The following UGT1A9 variants were observed in gnomAD, a reference collection of about 807,000 sequenced individuals.
The protein encoded by UGT1A9 is UDP-glucuronosyltransferase 1A9.
In UGT1A9, 35 loss-of-function variants were observed where a neutral mutation model predicts 45.0. The ratio of observed to expected loss-of-function variants is 0.78; its 90% CI spans 0.59 to 1.03. UGT1A9 has a LOEUF of 1.03. Ranked by LOEUF, UGT1A9 falls within the 50% of genes least tolerant of loss-of-function variation. The probability of loss-of-function intolerance (pLI) is 0.00; values close to 1 mark genes in which losing one functional copy is unlikely to be tolerated. For synonymous variants in UGT1A9, 278 were observed against 250.6 expected, an observed-to-expected ratio of 1.11 and a Z score of -1.03; for missense variants, 687 against 666.6, an observed-to-expected ratio of 1.03 and a Z score of -0.34.
intron 1 of UGT1A9, chr2:233,712,870 T>A: frequency 6.3e-7 from 1 of 1,583,802 alleles, no homozygotes; most frequent in Middle Eastern, 2.3e-4. Context: ...AGGAGGGCAC[T>A]CTGTCTTCAA....
chr2:233,733,407 C>T (rs906302145), intron 1 of UGT1A9, among the ~76,000 whole-genome samples: 4 of 152,152 alleles, frequency 2.6e-5, no homozygotes, highest in African/African-American at 9.7e-5. Flanking sequence ...GGGAATGCTT[C>T]CAGTTTTCGC....
chr2:233,767,167 T>C lies in UGT1A9; in HGVS notation c.987+2T>C. ...GCTTTGGGCAAAATCCCTCAGACAG[T>C]AAGAAGATTCTATACCATGGCCTCA... On this transcript the variant is annotated splice_donor_variant, in intron 2 of 4. Coordinates refer to ENST00000354728, the MANE Select transcript of UGT1A9 (RefSeq NM_021027.3). LOFTEE classifies it high-confidence loss of function. The C allele has an allele frequency of 2.5e-6, 4 of 1,614,068 alleles. No homozygotes were observed. The highest frequency in any genetic ancestry group is 3.4e-6 in the Non-Finnish European group (4 of 1,180,002).
intron 1 of UGT1A9, chr2:233,747,461 A>G (rs1413279224): frequency 3.7e-5 from 60 of 1,608,752 alleles, no homozygotes; most frequent in Admixed American, 5.0e-5. Flanking sequence ...ATGCCATTTC[A>G]TGGACCCAGG....
chr2:233,713,202 G>C, intron 1 of UGT1A9: 1 of 1,614,240 alleles, frequency 6.2e-7, no homozygotes, highest in South Asian at 1.1e-5. Flanking sequence ...GTACATCAAA[G>C]AAGAGAACTT....
intron 1 of UGT1A9, among the ~76,000 whole-genome samples, chr2:233,734,811 T>G: frequency 6.6e-6 from 1 of 152,238 alleles, no homozygotes; most frequent in East Asian, 1.9e-4. Context: ...AGTTTCCATG[T>G]AGTTGTGCGA....
chr2:233,712,843 G>A (rs556220136), intron 1 of UGT1A9: 13 of 1,515,268 alleles, frequency 8.6e-6, no homozygotes, highest in African/African-American at 1.4e-5. Flanking sequence ...ATAGATTAAC[G>A]GGTAATAAGT....
At chr2:233,744,758 T>C (rs1487522872) in intron 1 of UGT1A9, among the ~76,000 whole-genome samples, 3 of 151,834 alleles carry the variant, frequency 2.0e-5, no homozygotes, top group Non-Finnish European at 4.4e-5. Flanking sequence ...ATGGAAATAG[T>C]TTTAACTTTG....
chr2:233,760,189 G>A lies in UGT1A9; in HGVS notation c.856-6845G>A, dbSNP rs774584406. On this transcript the variant is annotated intron_variant, in intron 1 of 4. Transcript: ENST00000354728. ...TGGACTGACAGCTTTTTATAGTCACGTGACACAGTCAAACATTAACTTGGT... is the reference window on the plus strand; with the variant it reads ...TGGACTGACAGCTTTTTATAGTCACATGACACAGTCAAACATTAACTTGGT... 2.2e-5 allele frequency: 35 copies of A among 1,566,148 alleles called. No individual in the cohort carries two copies. In the South Asian group the frequency reaches 3.1e-4, roughly 14 times the overall value.
intron 1 of UGT1A9, among the ~76,000 whole-genome samples, chr2:233,706,104 C>A (rs1265794764): frequency 2.6e-5 from 4 of 151,128 alleles, no homozygotes; most frequent in African/African-American, 9.7e-5. Context: ...TAAAAAAAAA[C>A]CAAGAATTTC....
intron 1 of UGT1A9, among the ~76,000 whole-genome samples, chr2:233,707,432 T>G (rs1189246042): frequency 6.6e-6 from 1 of 152,200 alleles, no homozygotes; most frequent in African/African-American, 2.4e-5. Context: ...TCTTTGCTTT[T>G]CTTTACAATT....
chr2:233,734,899 T>C (rs182449879), intron 1 of UGT1A9, among the ~76,000 whole-genome samples: 2 of 152,328 alleles, frequency 1.3e-5, no homozygotes, highest in East Asian at 3.9e-4. Flanking sequence ...TGATTTCTAT[T>C]CTTTTACATT....
At chr2:233,672,824 T>C in intron 1 of UGT1A9, 35 bp downstream of exon 1, 1 of 1,575,234 alleles carries the variant, frequency 6.3e-7, no homozygotes, top group Non-Finnish European at 8.6e-7. Flanking sequence ...TTAAGAATAC[T>C]TCACCTTTGG....
chr2:233,684,489 A>G (rs1035081818), intron 1 of UGT1A9, among the ~76,000 whole-genome samples: 7 of 152,168 alleles, frequency 4.6e-5, no homozygotes, highest in Non-Finnish European at 1.0e-4. Context: ...TCAAAGGGTC[A>G]CCCAAAGGGA....
intron 1 of UGT1A9, chr2:233,755,333 G>A (rs878855763): frequency 4.4e-6 from 2 of 455,268 alleles, no homozygotes; most frequent in South Asian, 1.9e-5. Flanking sequence ...CAGCACCCGC[G>A]CACAGGTCAG....
intron 1 of UGT1A9, chr2:233,717,717 G>T (rs1199377056): frequency 8.8e-6 from 4 of 454,280 alleles, no homozygotes; most frequent in South Asian, 6.2e-5. Flanking sequence ...AGCCTCATGG[G>T]CATGAGACCA....
chr2:233,732,205 G>T, intron 1 of UGT1A9, among the ~76,000 whole-genome samples: 1 of 152,068 alleles, frequency 6.6e-6, no homozygotes, highest in South Asian at 2.1e-4. Context: ...TTGTCAGATG[G>T]GTAGATTGCA....
chr2:233,757,535 AATATAT>A (rs67292694), intron 1 of UGT1A9, among the ~76,000 whole-genome samples: 4 of 88,308 alleles, frequency 4.5e-5, no homozygotes, highest in East Asian at 2.8e-4. Flanking sequence ...GCCTGTAAGG[AATATAT>A]ATATATATAT....
At chr2:233,767,515 T>G (rs1699410322) in intron 2 of UGT1A9, among the ~76,000 whole-genome samples, 1 of 152,264 alleles carries the variant, frequency 6.6e-6, no homozygotes, top group Admixed American at 6.5e-5. Flanking sequence ...GTTAGAACAC[T>G]GAATTTATGT....
chr2:233,723,213 CT>C (rs201420005), intron 1 of UGT1A9, among the ~76,000 whole-genome samples: 4,186 of 88,020 alleles, frequency 0.048, 123 homozygotes, highest in African/African-American at 0.1. Context: ...TCAAAACTGA[CT>C]TTTTTTTTTT....
Sources: gnomAD v4.1 joint callset for allele counts (sites outside exome capture counted in the v4.1 genomes callset) on GRCh38, gnomAD v4.1.1 for gene constraint, MANE v1.5 for transcripts, NCBI Gene and HGNC (gene_info 2026-07-23, HGNC 2026-07-21) for gene names.